The following SORCS3 variants were observed in gnomAD, a reference collection of about 807,000 sequenced individuals.
SORCS3 encodes the protein VPS10 domain-containing receptor SorCS3.
SORCS3 carries 57 observed loss-of-function variants against 146.3 expected under a neutral mutation model. The observed-to-expected ratio is 0.39, with a 90% CI of 0.31 to 0.49. The LOEUF (loss-of-function observed/expected upper bound fraction) is 0.49. Ranked by LOEUF, SORCS3 falls within the 20% of genes least tolerant of loss-of-function variation. The pLI is 0.92. For missense variants in SORCS3, 1,341 were observed against 1,575.5 expected (o/e 0.85, Z 2.52); for synonymous variants, 653 against 618.5 (o/e 1.06, Z -0.83).
intron 6 of SORCS3, among the ~76,000 whole-genome samples, chr10:105,101,887 G>A (rs1444615512): frequency 3.9e-5 from 6 of 152,106 alleles, no homozygotes; most frequent in African/African-American, 1.4e-4. Context: ...TTTACTGCAG[G>A]TTTTCATTGT....
rs546651295 is a variant in SORCS3 at position 105,073,781 on chromosome 10, G to A, written c.1029-15994G>A. Among the ~76,000 whole-genome samples the A allele has an allele frequency of 1.3e-3, 203 of 152,214 alleles. 2 individuals are homozygous for A. In the South Asian group the frequency reaches 0.026, roughly 19 times the overall value. On this transcript the variant is annotated intron_variant, in intron 5 of 26. Transcript: ENST00000369701. ...GTGTGGCATCAGAAAAGAATTACTC[G>A]TGTCACAGTTTGTTCCCAGGTGGTC...
chr10:105,233,995 G>T (rs892656033), intron 20 of SORCS3, among the ~76,000 whole-genome samples: 1 of 152,026 alleles, frequency 6.6e-6, no homozygotes, highest in Non-Finnish European at 1.5e-5. Context: ...CTTTCTTCAT[G>T]TGGTTCAAGT....
chr10:105,073,402 G>T (rs1303609079), intron 5 of SORCS3, among the ~76,000 whole-genome samples: 1 of 152,204 alleles, frequency 6.6e-6, no homozygotes, highest in African/African-American at 2.4e-5. Context: ...GACACAGGGT[G>T]TTCAGTCTGG....
In SORCS3 at chr10:105,016,155, A is replaced by ATTTTTT. The variant is rs10625699; in HGVS notation, c.955-26890_955-26885dup. ...TATAAATATATATATATATATATAT[A>ATTTTTT]TTTTTTTTTTTTTTTGAGATGGAGT... On this transcript the variant is annotated intron_variant, in intron 4 of 26. Transcript: ENST00000369701. Among the ~76,000 whole-genome samples the ATTTTTT allele has an allele frequency of 4.9e-4, 50 of 101,316 alleles. 2 individuals are homozygous for ATTTTTT. Among genetic ancestry groups the ATTTTTT allele is most frequent in the South Asian group, 2.0e-3 (6 of 2,958 alleles). The allele number at this position is 101,316 out of a possible 152,430, so 66.5% of individuals were successfully genotyped here.
chr10:104,827,985 G>A (rs1042825386), intron 1 of SORCS3, among the ~76,000 whole-genome samples: 1 of 152,138 alleles, frequency 6.6e-6, no homozygotes, highest in African/African-American at 2.4e-5. Context: ...GAGCGTTAGG[G>A]CCTTGCTCTG....
At chr10:105,231,573 G>C (rs772158267) in intron 20 of SORCS3, among the ~76,000 whole-genome samples, 5 of 152,156 alleles carry the variant, frequency 3.3e-5, no homozygotes, top group Non-Finnish European at 5.9e-5. Context: ...TGGTGAGAGG[G>C]AACGTCCTTG....
intron 1 of SORCS3, among the ~76,000 whole-genome samples, chr10:104,701,611 A>G (rs1385296552): frequency 6.6e-6 from 1 of 152,182 alleles, no homozygotes; most frequent in South Asian, 2.1e-4. Context: ...ACTGCATTCA[A>G]TGTGTGCATT....
At chr10:104,969,946 C>T (rs1462720481) in intron 3 of SORCS3, among the ~76,000 whole-genome samples, 1 of 147,494 alleles carries the variant, frequency 6.8e-6, no homozygotes, top group East Asian at 1.9e-4. Flanking sequence ...TATATTGTAA[C>T]TCACGGTATA....
At chr10:105,174,439 T>G (rs1165259117) in intron 13 of SORCS3, among the ~76,000 whole-genome samples, 5 of 151,578 alleles carry the variant, frequency 3.3e-5, no homozygotes, top group Non-Finnish European at 5.9e-5. Flanking sequence ...GTCATCAAAA[T>G]AATAATAATA....
At chr10:105,205,994 G>A (rs1337046404) in intron 16 of SORCS3, among the ~76,000 whole-genome samples, 1 of 152,166 alleles carries the variant, frequency 6.6e-6, no homozygotes, top group Non-Finnish European at 1.5e-5. Context: ...ATTGAGTGGT[G>A]ATGTAGAAGA....
At chr10:104,705,869 TG>T (rs1362837221) in intron 1 of SORCS3, among the ~76,000 whole-genome samples, 2 of 152,214 alleles carry the variant, frequency 1.3e-5, no homozygotes, top group African/African-American at 2.4e-5. Context: ...CGAGAACTTC[TG>T]GGGATATGAG....
chr10:105,250,662 T>A (rs1222638173), intron 22 of SORCS3, among the ~76,000 whole-genome samples: 1 of 152,170 alleles, frequency 6.6e-6, no homozygotes, highest in Non-Finnish European at 1.5e-5. Context: ...GCCCCTAGTC[T>A]GGCCTCCTGA....
intron 1 of SORCS3, among the ~76,000 whole-genome samples, chr10:104,835,565 G>A (rs1018904549): frequency 6.6e-6 from 1 of 152,200 alleles, no homozygotes; most frequent in Admixed American, 6.5e-5. Flanking sequence ...ACAGGCCAGA[G>A]CGTCCTAGTG....
At chr10:104,922,435 A>G (rs1267080103) in intron 3 of SORCS3, among the ~76,000 whole-genome samples, 3 of 152,212 alleles carry the variant, frequency 2.0e-5, no homozygotes, top group Non-Finnish European at 4.4e-5. Context: ...TGACTGCTAC[A>G]TAGACCTAGG....
intron 3 of SORCS3, among the ~76,000 whole-genome samples, chr10:104,919,426 C>T (rs2019064753): frequency 6.6e-6 from 1 of 151,926 alleles, no homozygotes; most frequent in South Asian, 2.1e-4. Context: ...CACAGTGGCT[C>T]ATGCCTGTAA....
At chr10:104,783,890 C>T (rs1438405246) in intron 1 of SORCS3, among the ~76,000 whole-genome samples, 1 of 152,172 alleles carries the variant, frequency 6.6e-6, no homozygotes, top group East Asian at 1.9e-4. Flanking sequence ...TTGCCTTACA[C>T]AAGTGTTTCC....
intron 20 of SORCS3, among the ~76,000 whole-genome samples, chr10:105,231,516 T>G (rs961420376): frequency 6.6e-6 from 1 of 152,198 alleles, no homozygotes; most frequent in Non-Finnish European, 1.5e-5. Flanking sequence ...TTTATTTTCT[T>G]GTCTTATTAT....
At chr10:105,199,666 G>A (rs1005141275) in intron 14 of SORCS3, among the ~76,000 whole-genome samples, 1 of 151,950 alleles carries the variant, frequency 6.6e-6, no homozygotes, top group African/African-American at 2.4e-5. Flanking sequence ...TCTGAACAGG[G>A]GTTTTATATG....
chr10:105,033,202 CTGCCATTCA>C (rs2055281796), intron 4 of SORCS3, among the ~76,000 whole-genome samples: 1 of 152,210 alleles, frequency 6.6e-6, no homozygotes, highest in South Asian at 2.1e-4. Flanking sequence ...TCAAGGTACA[CTGCCATTCA>C]TGCACAGCAT....
Sources: allele counts gnomAD v4.1 joint callset (sites outside exome capture counted in the v4.1 genomes callset), GRCh38; gene constraint gnomAD v4.1.1; transcripts MANE v1.5; gene names NCBI Gene and HGNC (gene_info 2026-07-23, HGNC 2026-07-21).